Variants in ANO4 observed in about 807,000 individuals in gnomAD.
The protein encoded by ANO4 is anoctamin 4, also known as anoctamin-4.
Under a neutral mutation model 141.9 loss-of-function variants are expected in ANO4, and 69 were observed. The ratio of observed to expected loss-of-function variants is 0.49; its 90% CI spans 0.40 to 0.59. ANO4 has a LOEUF of 0.59. ANO4 is among the 20% of genes least tolerant of loss of function. The pLI, the probability that ANO4 is intolerant of heterozygous loss-of-function variation, is 0.00. For missense variants in ANO4, 894 were observed against 1,162.2 expected (o/e 0.77, Z 3.36); for synonymous variants, 350 against 394.3 (o/e 0.89, Z 1.33).
chr12:100,894,403 G>A (rs919082373), intron 1 of ANO4, among the ~76,000 whole-genome samples: 4 of 151,998 alleles, frequency 2.6e-5, no homozygotes, highest in Admixed American at 6.5e-5. Flanking sequence ...GCGGTCCTAC[G>A]TGGGTTAGAA....
intron 3 of ANO4, among the ~76,000 whole-genome samples, chr12:100,747,306 TG>T (rs569604056): frequency 1.0e-3 from 152 of 152,218 alleles, no homozygotes; most frequent in African/African-American, 3.4e-3. Context: ...ATCAAAAACA[TG>T]GGGGGAATTT....
intron 22 of ANO4, among the ~76,000 whole-genome samples, chr12:101,103,179 CATTTTATATATATAT>C (rs1264254661): frequency 1.3e-4 from 9 of 70,274 alleles, no homozygotes; most frequent in African/African-American, 5.4e-4. Flanking sequence ...CCTTTTTAGT[CATTTTATATATATAT>C]ATATATATAT....
chr12:100,749,313 T>C (rs2032258337), intron 3 of ANO4, among the ~76,000 whole-genome samples: 1 of 152,210 alleles, frequency 6.6e-6, no homozygotes, highest in South Asian at 2.1e-4. Context: ...AATTTTAACC[T>C]CCATGTATAC....
intron 1 of ANO4, among the ~76,000 whole-genome samples, chr12:100,836,524 A>G (rs1565920552): frequency 8.1e-6 from 1 of 124,000 alleles, no homozygotes; most frequent in Non-Finnish European, 1.6e-5. Context: ...CTGGTATGTG[A>G]TGTTCCCCTT....
At chr12:100,721,978 G>T (rs975511926) in intron 1 of ANO4, among the ~76,000 whole-genome samples, 2 of 151,408 alleles carry the variant, frequency 1.3e-5, no homozygotes, top group East Asian at 3.9e-4. Context: ...GAGCCACCAC[G>T]CCTGGCCTGA....
chr12:100,767,554 G>A (rs2033139301), intron 3 of ANO4, among the ~76,000 whole-genome samples: 1 of 152,206 alleles, frequency 6.6e-6, no homozygotes, highest in Admixed American at 6.5e-5. Flanking sequence ...GCTACTAAGT[G>A]ACTAATGGGC....
intron 1 of ANO4, among the ~76,000 whole-genome samples, chr12:100,867,150 A>G (rs564037783): frequency 6.6e-6 from 1 of 152,314 alleles, no homozygotes; most frequent in South Asian, 2.1e-4. Flanking sequence ...GATTGCTGCA[A>G]TAAAAATATC....
chr12:100,835,640 T>A (rs976383553), intron 1 of ANO4, among the ~76,000 whole-genome samples: 3 of 152,190 alleles, frequency 2.0e-5, no homozygotes, highest in Non-Finnish European at 4.4e-5. Flanking sequence ...GGCTTATTTG[T>A]GCTGTTTTTT....
rs186431316 is a variant in ANO4, at chr12:101,019,585, A to G, written c.735-449A>G. 3.2e-3 allele frequency among the ~76,000 whole-genome samples: 484 copies of G among 152,290 alleles called. 3 individuals are homozygous for G. Among genetic ancestry groups the G allele is most frequent in the African/African-American group, 0.011 (457 of 41,572 alleles). ...TCACCTGTGAGCCAGACCACAGCTC[A>G]TTACCTAACTCCTATATCCACCACC... On this transcript the variant is annotated intron_variant, in intron 8 of 27. Transcript: ENST00000392977.
At chr12:100,979,851 C>CCGAGTAG (rs1210038397) in intron 7 of ANO4, among the ~76,000 whole-genome samples, 1 of 151,386 alleles carries the variant, frequency 6.6e-6, no homozygotes, top group Non-Finnish European at 1.5e-5. Context: ...CCTCAGCCTC[C>CCGAGTAG]CGAGTAGCTG....
chr12:100,985,059 G>T (rs1188640059), intron 7 of ANO4, among the ~76,000 whole-genome samples: 2 of 152,192 alleles, frequency 1.3e-5, no homozygotes, highest in Non-Finnish European at 2.9e-5. Flanking sequence ...CTGCAGACTG[G>T]AGATGTGTGG....
At chr12:101,011,983 A>T (rs976396224) in intron 8 of ANO4, among the ~76,000 whole-genome samples, 1 of 125,662 alleles carries the variant, frequency 8.0e-6, no homozygotes, top group African/African-American at 3.3e-5. Flanking sequence ...TAATATATGT[A>T]AAAAAAAAAT....
intron 1 of ANO4, among the ~76,000 whole-genome samples, chr12:100,831,724 T>A (rs2036639835): frequency 6.6e-6 from 1 of 152,108 alleles, no homozygotes; most frequent in Non-Finnish European, 1.5e-5. Context: ...GAAGGGCCAG[T>A]GTCCTGAGTG....
intron 1 of ANO4, among the ~76,000 whole-genome samples, chr12:100,812,269 T>A (rs1316762376): frequency 1.3e-5 from 2 of 152,196 alleles, no homozygotes; most frequent in African/African-American, 2.4e-5. Flanking sequence ...ATACCTAGTT[T>A]AGGTTTGAAT....
At chr12:100,971,825 A>G (rs1270045767) in intron 6 of ANO4, among the ~76,000 whole-genome samples, 1 of 152,056 alleles carries the variant, frequency 6.6e-6, no homozygotes, top group Non-Finnish European at 1.5e-5. Flanking sequence ...TACAAGTGCA[A>G]GAAATTTCAT....
intron 8 of ANO4, among the ~76,000 whole-genome samples, chr12:101,012,067 T>C (rs1268123038): frequency 6.6e-6 from 1 of 152,212 alleles, no homozygotes; most frequent in Non-Finnish European, 1.5e-5. Context: ...AAAATGATAC[T>C]GATTTTGAGA....
chr12:100,847,752 T>G (rs1199929421), intron 1 of ANO4, among the ~76,000 whole-genome samples: 1 of 152,184 alleles, frequency 6.6e-6, no homozygotes. Flanking sequence ...ATTACAGGCG[T>G]GAGCCAAGAT....
intron 2 of ANO4, among the ~76,000 whole-genome samples, chr12:100,735,548 GGTGTT>G (rs2031567305): frequency 6.6e-6 from 1 of 152,080 alleles, no homozygotes; most frequent in African/African-American, 2.4e-5. Flanking sequence ...GGGAGAATCT[GGTGTT>G]GTAACAGAGT....
chr12:100,973,401 G>C (rs534215825), intron 6 of ANO4, among the ~76,000 whole-genome samples: 16 of 152,098 alleles, frequency 1.1e-4, no homozygotes, highest in Non-Finnish European at 2.1e-4. Context: ...ATAATTTTCT[G>C]TACTTCTGAA....
Sources: allele counts gnomAD v4.1 joint callset (sites outside exome capture counted in the v4.1 genomes callset), GRCh38; gene constraint gnomAD v4.1.1; transcripts MANE v1.5; gene names NCBI Gene and HGNC (gene_info 2026-07-23, HGNC 2026-07-21).